BTBD2: variants seen among roughly 807,000 people sequenced by gnomAD.
The protein encoded by BTBD2 is BTB/POZ domain-containing protein 2.
Under a neutral mutation model 44.0 loss-of-function variants are expected in BTBD2, and 15 were observed. The observed-to-expected ratio is 0.34, with a 90% CI of 0.23 to 0.53. BTBD2 has a LOEUF of 0.53. BTBD2 is among the 20% of genes least tolerant of loss of function. The pLI is 0.95. For missense variants in BTBD2, 657 were observed against 746.4 expected, an observed-to-expected ratio of 0.88 and a Z score of 1.39; for synonymous variants, 443 against 335.9, an observed-to-expected ratio of 1.32 and a Z score of -3.49.
At chr19:2,005,643 G>A (rs1487555294) in intron 1 of BTBD2, among the ~76,000 whole-genome samples, 4 of 152,046 alleles carry the variant, frequency 2.6e-5, no homozygotes, top group African/African-American at 9.6e-5. Flanking sequence ...GTAGTCAGGT[G>A]CAGTGGCCGG....
At chr19:1,987,446 C>T in intron 6 of BTBD2, 54 bp downstream of exon 6, 2 of 1,410,572 alleles carry the variant, frequency 1.4e-6, no homozygotes, top group Non-Finnish European at 9.6e-7. Context: ...CTCCGTCATC[C>T]CCGAGTCCTC....
intron 1 of BTBD2, chr19:2,002,659 G>C (rs960296525): frequency 3.9e-5 from 6 of 152,140 alleles, no homozygotes; most frequent in Non-Finnish European, 5.9e-5. Context: ...GGATCATGAG[G>C]TCAGGAGATC....
chr19:2,010,475 A>G (rs1320438387), intron 1 of BTBD2, among the ~76,000 whole-genome samples: 2 of 151,976 alleles, frequency 1.3e-5, no homozygotes, highest in African/African-American at 2.4e-5. Flanking sequence ...GCCTGCTCCC[A>G]GCCTCCTCTC....
chr19:2,008,535 C>T (rs1445209972), intron 1 of BTBD2, among the ~76,000 whole-genome samples: 1 of 151,922 alleles, frequency 6.6e-6, no homozygotes, highest in Non-Finnish European at 1.5e-5. Flanking sequence ...AGGTGATCTG[C>T]CCGCCTTGGC....
intron 1 of BTBD2, 51 bp downstream of exon 1, chr19:2,015,246 G>A (rs1470654198): frequency 2.5e-5 from 37 of 1,491,018 alleles, no homozygotes; most frequent in South Asian, 2.0e-4. Flanking sequence ...CAGGGCCCGG[G>A]CAGCAGGCTG....
chr19:2,004,781 C>G (rs918320064), intron 1 of BTBD2, among the ~76,000 whole-genome samples: 3 of 151,016 alleles, frequency 2.0e-5, no homozygotes, highest in Admixed American at 1.3e-4. Flanking sequence ...GAGTTTGAGA[C>G]CAGCCTCGGC....
Position 1,985,654 on chromosome 19 carries a change from A to C in BTBD2, c.*834T>G, listed in dbSNP as rs529804666. The C allele has an allele frequency of 6.6e-6, 1 of 152,274 alleles. No homozygotes were observed. Among genetic ancestry groups the C allele is most frequent in the African/African-American group, 2.4e-5 (1 of 41,446 alleles). 9.4% of individuals were successfully genotyped at this position (152,274 alleles called of 1,614,324 possible). A position where few individuals can be genotyped will look rare whatever the true frequency, so the allele number is the denominator to read the frequency against. On this transcript the variant is annotated 3_prime_UTR_variant, in exon 9 of 9. Coordinates refer to ENST00000255608, the MANE Select transcript of BTBD2 (RefSeq NM_017797.4). ...CCACGGCACCAGGTGGGCTAGGGCA[A>C]CAGTATGTACAGGCGAGCAGTGCTC...
chr19:2,006,110 A>G (rs1321652366), intron 1 of BTBD2, among the ~76,000 whole-genome samples: 1 of 151,690 alleles, frequency 6.6e-6, no homozygotes, highest in East Asian at 1.9e-4. Context: ...AAAAAATTTA[A>G]TTTTTAAAAA....
intron 2 of BTBD2, among the ~76,000 whole-genome samples, chr19:1,996,517 C>G (rs1189017494): frequency 2.3e-5 from 3 of 129,754 alleles, no homozygotes; most frequent in Non-Finnish European, 4.7e-5. Flanking sequence ...TTTGTGTACT[C>G]CAGCTTGGGC....
In BTBD2 at chr19:2,015,706, T is replaced by C. The variant is rs2016528462; in HGVS notation, c.-3A>G. 7 of 935,136 alleles carry C rather than the reference T, an allele frequency of 7.5e-6. No homozygotes were observed. The highest frequency in any genetic ancestry group is 7.5e-6 in the Non-Finnish European group (6 of 801,952). 57.9% of individuals were successfully genotyped at this position (935,136 alleles called of 1,614,324 possible). On this transcript the variant is annotated 5_prime_UTR_variant, in exon 1 of 9. Transcript: ENST00000255608. ...CCGCCGCTCCCACCCGCCGCCATTT[T>C]GTGGCTGCGGCGTGGGCGGGGGAGG...
At chr19:2,005,799 T>C (rs1410625109) in intron 1 of BTBD2, among the ~76,000 whole-genome samples, 1 of 147,750 alleles carries the variant, frequency 6.8e-6, no homozygotes, top group Non-Finnish European at 1.5e-5. Context: ...AAAAAAAAAA[T>C]TATTTTTTAG....
In BTBD2 at chr19:1,997,553, A is replaced by G; in HGVS notation, c.408-90T>C. 1.9e-6 allele frequency: 3 copies of G among 1,555,054 alleles called. No homozygotes were observed. The South Asian group carries it at 3.5e-5, about 18-fold the overall frequency. ...GCCCGGTATCCTGGGTGACCACCCC[A>G]CTAGGGCTCCCTGCCAGCCTCCAGC... On this transcript the variant is annotated intron_variant, in intron 1 of 8. Coordinates refer to ENST00000255608, the MANE Select transcript of BTBD2 (RefSeq NM_017797.4).
At chr19:2,011,397 A>G (rs542325414) in intron 1 of BTBD2, among the ~76,000 whole-genome samples, 84 of 151,752 alleles carry the variant, frequency 5.5e-4, no homozygotes, top group Non-Finnish European at 1.0e-3. Flanking sequence ...TCCACCCTCA[A>G]TGCGGATCTG....
Position 1,986,848 on chromosome 19 carries a change from C to A in BTBD2, c.1398G>T (p.Thr466=). 1 of 1,610,440 alleles carries A rather than the reference C, an allele frequency of 6.2e-7. No individual in the cohort carries two copies. The highest frequency in any genetic ancestry group is 8.5e-7 in the Non-Finnish European group (1 of 1,178,814). The part of the protein sequence containing the change: ...PVEVLPNVNY[T]ACATLKGPDS... ...GGCGCACCTTGAGCGTGGCACAGGC[C>A]GTGTAGTTGACGTTGGGCAGCACCT... Residue 466 remains threonine, a synonymous_variant, in exon 8 of 9, where the codon ACG becomes ACT. Transcript: ENST00000255608.
chr19:1,993,426 G>C (rs2016208441), intron 2 of BTBD2, among the ~76,000 whole-genome samples: 1 of 152,186 alleles, frequency 6.6e-6, no homozygotes, highest in Non-Finnish European at 1.5e-5. Flanking sequence ...CATCTACACA[G>C]CACACACCCG....
chr19:1,990,299 G>C, intron 4 of BTBD2, 98 bp from the exon 5 acceptor site: 1 of 1,388,620 alleles, frequency 7.2e-7, no homozygotes, highest in African/African-American at 1.4e-5. Context: ...TTAAAGCCGG[G>C]CTGGCAACTA....
intron 1 of BTBD2, among the ~76,000 whole-genome samples, chr19:2,009,935 C>A (rs1330519861): frequency 6.6e-6 from 1 of 152,132 alleles, no homozygotes; most frequent in Admixed American, 6.6e-5. Flanking sequence ...GGGCGGATCA[C>A]CTGAGGTCGG....
At chr19:1,987,010 TG>T in intron 7 of BTBD2, 34 bp from the exon 8 acceptor site, 1 of 1,601,976 alleles carries the variant, frequency 6.2e-7, no homozygotes, top group Non-Finnish European at 8.5e-7. Context: ...GGCTCAGGCC[TG>T]GGGAGGGCCA....
chr19:2,009,385 A>G (rs1041499517), intron 1 of BTBD2, among the ~76,000 whole-genome samples: 2 of 151,556 alleles, frequency 1.3e-5, no homozygotes, highest in African/African-American at 4.8e-5. Context: ...TTTTTAGTAG[A>G]GACGGGGTTT....
Sources: gnomAD v4.1 joint callset for allele counts (sites outside exome capture counted in the v4.1 genomes callset) on GRCh38, gnomAD v4.1.1 for gene constraint, MANE v1.5 for transcripts, NCBI Gene and HGNC (gene_info 2026-07-23, HGNC 2026-07-21) for gene names.